Variants in EPB41 observed in about 807,000 individuals in gnomAD.
The protein encoded by EPB41 is protein 4.1.
Under a neutral mutation model 108.0 loss-of-function variants are expected in EPB41, and 65 were observed. The ratio of observed to expected loss-of-function variants is 0.60; its 90% CI spans 0.49 to 0.74. The LOEUF is 0.74. Among genes scored for constraint, EPB41 ranks in the 30% least tolerant of loss-of-function variants. EPB41 has a pLI of 0.00. For missense variants in EPB41, 875 were observed against 1,037.0 expected (o/e 0.84, Z 2.15); for synonymous variants, 336 against 358.9 (o/e 0.94, Z 0.72).
chr1:29,047,061 A>G (rs1176406661), intron 11 of EPB41, among the ~76,000 whole-genome samples: 1 of 152,114 alleles, frequency 6.6e-6, no homozygotes, highest in Admixed American at 6.6e-5. Flanking sequence ...AGAGTTTGTT[A>G]AAGACTGTTG....
chr1:28,912,582 G>C (rs1056558506), upstream of EPB41, among the ~76,000 whole-genome samples: 1 of 152,002 alleles, frequency 6.6e-6, no homozygotes, highest in Non-Finnish European at 1.5e-5. Context: ...ACTGCTCTAA[G>C]TCCTTTACAT....
chr1:28,963,785 C>T (rs1033654392), intron 1 of EPB41, among the ~76,000 whole-genome samples: 9 of 152,162 alleles, frequency 5.9e-5, no homozygotes, highest in Non-Finnish European at 1.2e-4. Context: ...AGGGTTACAC[C>T]GTGAGTTTAC....
chr1:28,929,184 A>G (rs2093604159), intron 1 of EPB41, among the ~76,000 whole-genome samples: 1 of 151,852 alleles, frequency 6.6e-6, no homozygotes, highest in Non-Finnish European at 1.5e-5. Context: ...TACTTGACTT[A>G]TACATGCTGT....
At chr1:29,084,608 A>C (rs1387562397) in intron 16 of EPB41, among the ~76,000 whole-genome samples, 1 of 152,248 alleles carries the variant, frequency 6.6e-6, no homozygotes, top group Non-Finnish European at 1.5e-5. Context: ...GGGTAATAGC[A>C]ATATAGAAAG....
chr1:28,894,563 A>C (rs775784997), intron 1 of EPB41, among the ~76,000 whole-genome samples: 11 of 152,048 alleles, frequency 7.2e-5, no homozygotes, highest in African/African-American at 9.7e-5. Flanking sequence ...CTTCCTGGAG[A>C]GGGAGTGACA....
At chr1:29,040,185 C>CT (rs1227822908) in intron 11 of EPB41, among the ~76,000 whole-genome samples, 1 of 152,008 alleles carries the variant, frequency 6.6e-6, no homozygotes, top group African/African-American at 2.4e-5. Context: ...AAGTGAGACT[C>CT]TGTCTCTAAA....
rs776733764 is a variant in EPB41, at chr1:28,905,495, C to CAA, written c.-8+18296_-8+18297dup. Among the ~76,000 whole-genome samples the CAA allele has an allele frequency of 4.8e-3, 653 of 137,220 alleles. 6 individuals are homozygous for CAA. The highest frequency in any genetic ancestry group is 0.016 in the African/African-American group (609 of 37,928). 90.0% of individuals were successfully genotyped at this position (137,220 alleles called of 152,430 possible). ...TGGGCGACAGAGGAAGACTATGTCT[C>CAA]AAAAAAAAAAAACAACAAAAAACCA... On this transcript the variant is annotated intron_variant, in intron 1 of 16. Coordinates refer to the EPB41 transcript ENST00000347529.
chr1:28,926,423 A>G (rs374726784), intron 1 of EPB41, among the ~76,000 whole-genome samples: 191 of 152,360 alleles, frequency 1.3e-3, no homozygotes, highest in African/African-American at 4.4e-3. Context: ...GGTATTAACC[A>G]GGCCAAAAGT....
rs748799779 is a variant in EPB41 at position 28,993,467 on chromosome 1, A to G, written c.606A>G (p.Lys202=). ...AAACAGAATTAAAAGCTTCCCAAAA[A>G]CCAATCAGAAAACACAGGAACATGC... ...KAETELKASQ[K]PIRKHRNMHC... The change falls in exon 3 of 21, where the codon AAA becomes AAG. Residue 202 remains lysine, a synonymous_variant. Transcript: ENST00000343067. 1.2e-6 allele frequency: 2 copies of G among 1,613,964 alleles called. No homozygotes were observed. Among genetic ancestry groups the G allele is most frequent in the East Asian group, 4.5e-5 (2 of 44,848 alleles).
intron 6 of EPB41, among the ~76,000 whole-genome samples, chr1:29,017,291 ATATCT>A (rs1231133039): frequency 3.3e-5 from 5 of 152,268 alleles, no homozygotes; most frequent in African/African-American, 1.2e-4. Flanking sequence ...ATGTTATTTA[ATATCT>A]TATAATAGAA....
In EPB41 at chr1:29,114,795, A is replaced by G. The variant is rs548008038; in HGVS notation, c.2497-904A>G. ...CATGTTTAAGTAAAAAGTAATGATAATAGTTATTATCTTAATAACAATATA... is the reference window on the plus strand; with the variant it reads ...CATGTTTAAGTAAAAAGTAATGATAGTAGTTATTATCTTAATAACAATATA... On this transcript the variant is annotated intron_variant, in intron 19 of 20. Transcript: ENST00000343067. 5.3e-5 allele frequency among the ~76,000 whole-genome samples: 8 copies of G among 152,264 alleles called. No homozygotes were observed. The East Asian group carries it at 1.3e-3, about 26-fold the overall frequency.
intron 4 of EPB41, 109 bp from the exon 5 acceptor site, chr1:29,011,756 C>G: frequency 8.6e-7 from 1 of 1,161,460 alleles, no homozygotes; most frequent in Non-Finnish European, 1.2e-6. Flanking sequence ...AAAGGAAATG[C>G]AGGTTGATCT....
intron 16 of EPB41, among the ~76,000 whole-genome samples, chr1:29,079,369 G>A (rs1655447051): frequency 6.6e-6 from 1 of 151,394 alleles, no homozygotes; most frequent in Non-Finnish European, 1.5e-5. Flanking sequence ...TTAAGATTGG[G>A]TATCTACAGA....
intron 3 of EPB41, among the ~76,000 whole-genome samples, chr1:28,996,092 G>T (rs1352364332): frequency 6.6e-6 from 1 of 152,124 alleles, no homozygotes; most frequent in Non-Finnish European, 1.5e-5. Context: ...CAATAAAGAG[G>T]TAGGATGAGT....
intron 1 of EPB41, 62 bp downstream of exon 1, chr1:28,914,830 G>T: frequency 6.6e-6 from 1 of 152,584 alleles, no homozygotes; most frequent in South Asian, 1.8e-4. Flanking sequence ...CTGTCCCCGT[G>T]GGGACGGTCC....
intron 16 of EPB41, chr1:29,070,254 A>G: frequency 1.1e-6 from 1 of 888,090 alleles, no homozygotes. Context: ...GAGTGTCTAA[A>G]AGATACTTCC....
At chr1:29,070,806 GGACT>G (rs1650995147) in intron 16 of EPB41, 14 of 862,534 alleles carry the variant, frequency 1.6e-5, no homozygotes, top group Admixed American at 1.3e-4. Context: ...GAGTAGCAAT[GGACT>G]GCCCAAAGCC....
intron 16 of EPB41, among the ~76,000 whole-genome samples, chr1:29,067,873 C>T (rs1195008528): frequency 2.6e-5 from 4 of 152,104 alleles, no homozygotes; most frequent in Admixed American, 2.0e-4. Context: ...CCTCCATTTT[C>T]TGATATAAAT....
rs186742231 is a variant in EPB41 at position 29,008,460 on chromosome 1, A to C, written c.787-3405A>C. Among the ~76,000 whole-genome samples the C allele has an allele frequency of 1.3e-3, 194 of 152,298 alleles. 1 individual carries two copies. The highest frequency in any genetic ancestry group is 4.2e-3 in the African/African-American group (176 of 41,558). ...CATATGAGAAAATTGAGGCTCAGAA[A>C]CACTGTCTTATGTAAGGTTACACAG... On this transcript the variant is annotated intron_variant, in intron 4 of 20. Transcript: ENST00000343067.
Sources: allele counts gnomAD v4.1 joint callset (sites outside exome capture counted in the v4.1 genomes callset), GRCh38; gene constraint gnomAD v4.1.1; transcripts MANE v1.5; gene names NCBI Gene and HGNC (gene_info 2026-07-23, HGNC 2026-07-21).